The following KLF12 variants were observed in gnomAD, a reference collection of about 807,000 sequenced individuals.
KLF12 encodes KLF transcription factor 12, also known as Krueppel-like factor 12.
KLF12 carries 9 observed loss-of-function variants against 37.8 expected under a neutral mutation model. That is an observed-to-expected ratio of 0.24 (90% confidence interval 0.14 to 0.42). The LOEUF is 0.42. Among genes scored for constraint, KLF12 ranks in the 10% least tolerant of loss-of-function variants. The pLI, the probability that KLF12 is intolerant of heterozygous loss-of-function variation, is 1.00. For missense variants in KLF12, 411 were observed against 516.0 expected (o/e 0.80, Z 1.97); for synonymous variants, 208 against 202.1 (o/e 1.03, Z -0.25).
Position 73,689,955 on chromosome 13 carries a change from T to G in KLF12, c.*5535A>C, listed in dbSNP as rs1873725123. 6.6e-6 allele frequency: 1 copy of G among 152,246 alleles called. No individual in the cohort carries two copies. The highest frequency in any genetic ancestry group is 2.1e-4 in the South Asian group (1 of 4,838). The allele number at this position is 152,246 out of a possible 1,614,324, so 9.4% of individuals were successfully genotyped here. On this transcript the variant is annotated 3_prime_UTR_variant, in exon 8 of 8. Coordinates refer to ENST00000377669, the MANE Select transcript of KLF12 (RefSeq NM_007249.5). ...AATTACCATATGCAATAGTGTTCAC[T>G]GAAGATAAACTTAATGTTCAGATTT... is the stretch of plus-strand genomic sequence containing the variant.
Position 74,049,505 on chromosome 13 carries a change from A to G in KLF12, c.-31-54452T>C, listed in dbSNP as rs184577992. On this transcript the variant is annotated intron_variant, in intron 1 of 7. Coordinates refer to ENST00000377669, the MANE Select transcript of KLF12 (RefSeq NM_007249.5). ...CAGAGATTACAGACATTATTAATGC[A>G]CTCACCAAATAAGAGGACGTCATTA... Among the ~76,000 whole-genome samples the G allele has an allele frequency of 7.2e-5, 11 of 152,312 alleles. No individual in the cohort carries two copies. The East Asian group carries it at 1.2e-3, about 16-fold the overall frequency.
chr13:74,182,648 C>T, the KLF12 span, among the ~76,000 whole-genome samples: 2 of 152,166 alleles, frequency 1.3e-5, no homozygotes, highest in African/African-American at 2.4e-5. Context: ...GAAGAGCAAT[C>T]CTATTTTTGC....
chr13:73,781,130 C>A (rs1357073477), intron 5 of KLF12, among the ~76,000 whole-genome samples: 1 of 152,168 alleles, frequency 6.6e-6, no homozygotes, highest in African/African-American at 2.4e-5. Context: ...GTCTTGCCTC[C>A]AGCAAAAAGA....
chr13:74,026,983 T>C (rs774125302), intron 1 of KLF12, among the ~76,000 whole-genome samples: 1 of 152,000 alleles, frequency 6.6e-6, no homozygotes, highest in Non-Finnish European at 1.5e-5. Flanking sequence ...ATGGTGCCAC[T>C]GAAGTGCAAA....
intron 1 of KLF12, among the ~76,000 whole-genome samples, chr13:74,044,482 C>A (rs1206738726): frequency 1.3e-5 from 2 of 151,146 alleles, no homozygotes; most frequent in African/African-American, 4.9e-5. Context: ...TAGAGAAGTA[C>A]AATTAAAAAA....
At chr13:74,200,193 G>T in the KLF12 span, among the ~76,000 whole-genome samples, 18 of 152,056 alleles carry the variant, frequency 1.2e-4, no homozygotes, top group East Asian at 7.8e-4. Flanking sequence ...CTTGCTCAGG[G>T]GGGGGGTTTC....
chr13:73,722,216 G>T (rs1876320179), intron 6 of KLF12, among the ~76,000 whole-genome samples: 1 of 152,080 alleles, frequency 6.6e-6, no homozygotes, highest in Admixed American at 6.6e-5. Context: ...ACACCACCCT[G>T]GGAATGAATC....
intron 1 of KLF12, among the ~76,000 whole-genome samples, chr13:74,058,565 C>A (rs1873393929): frequency 6.6e-6 from 1 of 151,202 alleles, no homozygotes; most frequent in African/African-American, 2.4e-5. Flanking sequence ...ACTGTGTTAG[C>A]CAGGATGGTC....
chr13:73,819,797 G>A (rs1020854355), intron 4 of KLF12, among the ~76,000 whole-genome samples: 1 of 152,214 alleles, frequency 6.6e-6, no homozygotes, highest in Non-Finnish European at 1.5e-5. Flanking sequence ...ACTTCAGCAA[G>A]GACTTGAAGG....
chr13:74,211,430 T>C, the KLF12 span, among the ~76,000 whole-genome samples: 2 of 152,230 alleles, frequency 1.3e-5, no homozygotes, highest in Non-Finnish European at 2.9e-5. Flanking sequence ...GGATAGGATG[T>C]TGAAATGAGT....
In KLF12 at chr13:73,686,474, G is replaced by A. The variant is rs1214368241; in HGVS notation, c.*9016C>T. 1.3e-5 allele frequency: 2 copies of A among 152,482 alleles called. No homozygotes were observed. The highest frequency in any genetic ancestry group is 6.6e-5 in the Admixed American group (1 of 15,258). The allele number at this position is 152,482 out of a possible 1,614,324, so 9.4% of individuals were successfully genotyped here. ...CATAATATTAATAAACTTATAACAGGGTTGCCTAAACACTACAGAGTATAT... is the reference window on the plus strand; with the variant it reads ...CATAATATTAATAAACTTATAACAGAGTTGCCTAAACACTACAGAGTATAT... On this transcript the variant is annotated 3_prime_UTR_variant, in exon 8 of 8. Transcript: ENST00000377669.
intron 5 of KLF12, among the ~76,000 whole-genome samples, chr13:73,780,921 G>T (rs1880925313): frequency 6.6e-6 from 1 of 152,244 alleles, no homozygotes; most frequent in South Asian, 2.1e-4. Flanking sequence ...AATTTCAAAA[G>T]AAGTTCTATA....
At chr13:73,971,871 A>C (rs1416302892) in intron 2 of KLF12, among the ~76,000 whole-genome samples, 4 of 152,180 alleles carry the variant, frequency 2.6e-5, no homozygotes, top group African/African-American at 9.7e-5. Flanking sequence ...TTCATTTATC[A>C]AGAAAGCTAA....
chr13:73,764,463 A>C (rs2138071659), intron 6 of KLF12, among the ~76,000 whole-genome samples: 1 of 135,888 alleles, frequency 7.4e-6, no homozygotes, highest in South Asian at 2.7e-4. Context: ...AGAAGATCTT[A>C]GTACTCCCCA....
chr13:74,135,894 C>A (rs1878538535), upstream of KLF12, among the ~76,000 whole-genome samples: 1 of 152,154 alleles, frequency 6.6e-6, no homozygotes, highest in African/African-American at 2.4e-5. Context: ...AGCTGGGCTC[C>A]CCATCGGTGT....
At chr13:74,227,979 A>T in the KLF12 span, among the ~76,000 whole-genome samples, 3 of 152,192 alleles carry the variant, frequency 2.0e-5, no homozygotes, top group East Asian at 5.8e-4. Context: ...GCCAAAGATC[A>T]GTATGTTTAA....
intron 3 of KLF12, among the ~76,000 whole-genome samples, chr13:73,852,780 GCAAAA>G (rs1339224361): frequency 2.7e-5 from 4 of 150,934 alleles, no homozygotes; most frequent in Admixed American, 6.6e-5. Context: ...CCATCTCAAA[GCAAAA>G]CAAAACAAAA....
intron 1 of KLF12, among the ~76,000 whole-genome samples, chr13:74,113,708 A>G (rs1234974332): frequency 6.6e-6 from 1 of 152,160 alleles, no homozygotes; most frequent in Non-Finnish European, 1.5e-5. Flanking sequence ...GCCTAACACA[A>G]CATCCTTTCT....
chr13:73,735,136 A>G (rs1054573762), intron 6 of KLF12, among the ~76,000 whole-genome samples: 39 of 151,050 alleles, frequency 2.6e-4, no homozygotes, highest in Non-Finnish European at 4.7e-4. Flanking sequence ...ATTAAAAAAA[A>G]AAAAAAAAAA....
Sources: gnomAD v4.1 joint callset for allele counts (sites outside exome capture counted in the v4.1 genomes callset) on GRCh38, gnomAD v4.1.1 for gene constraint, MANE v1.5 for transcripts, NCBI Gene and HGNC (gene_info 2026-07-23, HGNC 2026-07-21) for gene names.